Variants in TMEM132D observed in about 807,000 individuals in gnomAD.
The protein encoded by TMEM132D is mature OL transmembrane protein.
A neutral mutation model predicts 62.3 loss-of-function variants in TMEM132D; 21 were observed. That is an observed-to-expected ratio of 0.34 (90% CI 0.24 to 0.49). The LOEUF (loss-of-function observed/expected upper bound fraction) is 0.49. Among genes scored for constraint, TMEM132D ranks in the 20% least tolerant of loss-of-function variants. The pLI, the probability that TMEM132D is intolerant of heterozygous loss-of-function variation, is 0.99. For missense variants in TMEM132D, 1,346 were observed against 1,402.8 expected (o/e 0.96, Z 0.65); for synonymous variants, 621 against 575.6 (o/e 1.08, Z -1.13).
chr12:129,262,262 A>C (rs1452284585), intron 4 of TMEM132D: 1 of 152,288 alleles, frequency 6.6e-6, no homozygotes, highest in Non-Finnish European at 1.5e-5. Flanking sequence ...ATATTAGTGC[A>C]CAGAAAAGCA....
At chr12:129,542,169 A>G (rs1256617144) in intron 2 of TMEM132D, among the ~76,000 whole-genome samples, 2 of 152,138 alleles carry the variant, frequency 1.3e-5, no homozygotes, top group Admixed American at 1.3e-4. Flanking sequence ...AGAACACTCA[A>G]CTAACTTCCA....
intron 5 of TMEM132D, among the ~76,000 whole-genome samples, chr12:129,130,819 A>G (rs1032487642): frequency 2.6e-5 from 4 of 152,224 alleles, no homozygotes; most frequent in Admixed American, 6.5e-5. Context: ...AAACATACCT[A>G]TGGATTATAC....
chr12:129,443,478 G>A (rs542272692), intron 3 of TMEM132D, among the ~76,000 whole-genome samples: 96 of 152,182 alleles, frequency 6.3e-4, no homozygotes, highest in African/African-American at 2.2e-3. Flanking sequence ...GCCCACAGCC[G>A]AGGAACCGTG....
intron 2 of TMEM132D, among the ~76,000 whole-genome samples, chr12:129,611,071 G>A (rs903979403): frequency 6.6e-6 from 1 of 152,218 alleles, no homozygotes; most frequent in African/African-American, 2.4e-5. Context: ...AGGATTGCTT[G>A]AGAAACATTA....
intron 3 of TMEM132D, among the ~76,000 whole-genome samples, chr12:129,444,494 C>G (rs1873037259): frequency 6.6e-6 from 1 of 152,126 alleles, no homozygotes; most frequent in Admixed American, 6.5e-5. Context: ...TTCTGGGATA[C>G]ATGTGCAGGT....
intron 4 of TMEM132D, among the ~76,000 whole-genome samples, chr12:129,329,786 T>A (rs1869047002): frequency 6.6e-6 from 1 of 152,106 alleles, no homozygotes; most frequent in South Asian, 2.1e-4. Context: ...TTGAGCATAA[T>A]CACAGTACTG....
chr12:129,596,411 T>C (rs777092362), intron 2 of TMEM132D, among the ~76,000 whole-genome samples: 5 of 152,180 alleles, frequency 3.3e-5, no homozygotes, highest in Non-Finnish European at 7.4e-5. Context: ...TATACTCGTA[T>C]ATAATCAGAT....
At chr12:129,347,206 T>C (rs1385527392) in intron 3 of TMEM132D, among the ~76,000 whole-genome samples, 1 of 152,102 alleles carries the variant, frequency 6.6e-6, no homozygotes, top group East Asian at 1.9e-4. Context: ...AGAAAAAAAC[T>C]ACTTTAAATT....
intron 3 of TMEM132D, among the ~76,000 whole-genome samples, chr12:129,453,194 C>A (rs537738324): frequency 6.6e-6 from 1 of 152,186 alleles, no homozygotes; most frequent in Non-Finnish European, 1.5e-5. Flanking sequence ...CTGCAGTCCA[C>A]GGAAAAATTG....
chr12:129,619,259 T>C (rs1879000594), intron 2 of TMEM132D, among the ~76,000 whole-genome samples: 1 of 152,148 alleles, frequency 6.6e-6, no homozygotes, highest in Non-Finnish European at 1.5e-5. Flanking sequence ...CGAGGGGCCT[T>C]CGAATTTTAT....
At chr12:129,311,536 TAA>T (rs201836722) in intron 4 of TMEM132D, among the ~76,000 whole-genome samples, 1 of 152,280 alleles carries the variant, frequency 6.6e-6, no homozygotes, top group Non-Finnish European at 1.5e-5. Context: ...TCCCTGTGTT[TAA>T]AAAAATTAGA....
At chr12:129,211,830 A>G (rs1250442831) in intron 4 of TMEM132D, 1 of 152,214 alleles carries the variant, frequency 6.6e-6, no homozygotes, top group Non-Finnish European at 1.5e-5. Flanking sequence ...GAATAAAAAC[A>G]TGGCACAAAC....
intron 2 of TMEM132D, among the ~76,000 whole-genome samples, chr12:129,689,569 C>G (rs1215424271): frequency 6.6e-6 from 1 of 152,194 alleles, no homozygotes; most frequent in Admixed American, 6.5e-5. Flanking sequence ...AACACTCCCT[C>G]TTACATCTGA....
chr12:129,497,526 C>T (rs903005792), intron 3 of TMEM132D, among the ~76,000 whole-genome samples: 19 of 152,108 alleles, frequency 1.2e-4, no homozygotes, highest in Non-Finnish European at 2.4e-4. Flanking sequence ...GCTGTTTCTC[C>T]TCCTTTAACC....
chr12:129,214,069 T>C (rs1410696565), intron 4 of TMEM132D, among the ~76,000 whole-genome samples: 3 of 152,214 alleles, frequency 2.0e-5, no homozygotes, highest in African/African-American at 7.2e-5. Context: ...TCCAGCCCAC[T>C]GCATGTGCAG....
At chr12:129,348,056 C>T (rs1869741332) in intron 3 of TMEM132D, among the ~76,000 whole-genome samples, 1 of 152,142 alleles carries the variant, frequency 6.6e-6, no homozygotes, top group Non-Finnish European at 1.5e-5. Context: ...CAGGAAACAA[C>T]AGGTGCTGGA....
At chr12:129,100,058 T>G (rs543388690) in intron 5 of TMEM132D, among the ~76,000 whole-genome samples, 33 of 151,934 alleles carry the variant, frequency 2.2e-4, no homozygotes, top group East Asian at 5.8e-4. Context: ...TCTTTTTTTT[T>G]GGGACAGAGT....
rs184090231 is a variant in TMEM132D at position 129,257,182 on chromosome 12, T to A, written c.1300-47519A>T. Among the ~76,000 whole-genome samples, 153 of 150,396 alleles carry A rather than the reference T, an allele frequency of 1.0e-3. 1 individual carries two copies. Among genetic ancestry groups the A allele is most frequent in the African/African-American group, 3.3e-3 (136 of 40,952 alleles). On this transcript the variant is annotated intron_variant, in intron 4 of 8. Transcript: ENST00000422113. ...GAAGTGGGAAGCATTTTTATGGGCA[T>A]CCAGGCATCCCCTGTTTCTTTCTTT...
chr12:129,161,100 T>G (rs1485076035), intron 5 of TMEM132D, among the ~76,000 whole-genome samples: 2 of 152,176 alleles, frequency 1.3e-5, no homozygotes, highest in Non-Finnish European at 2.9e-5. Context: ...TATTTAAATA[T>G]CTCTATCTTC....
Sources: gnomAD v4.1 joint callset for allele counts (sites outside exome capture counted in the v4.1 genomes callset) on GRCh38, gnomAD v4.1.1 for gene constraint, MANE v1.5 for transcripts, NCBI Gene and HGNC (gene_info 2026-07-23, HGNC 2026-07-21) for gene names.